The following TMEM123 variants were observed in gnomAD, a reference collection of about 807,000 sequenced individuals.
The protein encoded by TMEM123 is transmembrane protein 123.
In TMEM123, 16 loss-of-function variants were observed where a neutral mutation model predicts 19.7. The observed-to-expected ratio is 0.81, with a 90% CI of 0.55 to 1.23. The LOEUF (loss-of-function observed/expected upper bound fraction) is 1.23. Ranked by LOEUF, TMEM123 falls within the 50% of genes most tolerant of loss-of-function variation. The pLI, the probability that TMEM123 is intolerant of heterozygous loss-of-function variation, is 0.00. For missense variants in TMEM123, 313 were observed against 257.8 expected, an observed-to-expected ratio of 1.21 and a Z score of -1.47; for synonymous variants, 118 against 99.4, an observed-to-expected ratio of 1.19 and a Z score of -1.12.
At chr11:102,402,868 A>G (rs1951925174) in intron 2 of TMEM123, among the ~76,000 whole-genome samples, 1 of 152,240 alleles carries the variant, frequency 6.6e-6, no homozygotes, top group Admixed American at 6.5e-5. Flanking sequence ...CCAAAAGCCA[A>G]TTTTGTATGA....
chr11:102,419,161 TAAAAG>T (rs1365634662), intron 2 of TMEM123, among the ~76,000 whole-genome samples: 2 of 152,162 alleles, frequency 1.3e-5, no homozygotes, highest in Admixed American at 6.5e-5. Context: ...GAGCCTAAAA[TAAAAG>T]AAAAACAAAA....
At chr11:102,401,742 TAACA>T in intron 3 of TMEM123, 50 bp from the exon 4 acceptor site, 1 of 1,477,248 alleles carries the variant, frequency 6.8e-7, no homozygotes, top group Non-Finnish European at 9.1e-7. Context: ...TTTTTTTTTT[TAACA>T]TTGTAATTAA....
chr11:102,446,147 T>C (rs535316798), intron 2 of TMEM123, among the ~76,000 whole-genome samples: 2 of 152,334 alleles, frequency 1.3e-5, no homozygotes, highest in South Asian at 4.1e-4. Context: ...ATCTAGACCA[T>C]GCCACATTTC....
At chr11:102,452,375 C>T in intron 1 of TMEM123, 149 bp downstream of exon 1, 1 of 606,164 alleles carries the variant, frequency 1.6e-6, no homozygotes. Context: ...CTCAGTTTCC[C>T]CCACCCCGCC....
intron 2 of TMEM123, among the ~76,000 whole-genome samples, chr11:102,429,945 G>A (rs1208459605): frequency 2.0e-5 from 3 of 152,214 alleles, no homozygotes; most frequent in African/African-American, 2.4e-5. Context: ...CAGCCTGTGC[G>A]ATGGGAGCAC....
intron 2 of TMEM123, among the ~76,000 whole-genome samples, chr11:102,406,713 T>C (rs1011030301): frequency 9.9e-5 from 15 of 151,396 alleles, no homozygotes; most frequent in Admixed American, 7.9e-4. Flanking sequence ...CTACCAAAAA[T>C]ATAAAAAATT....
At chr11:102,430,762 G>A (rs758651091) in intron 2 of TMEM123, among the ~76,000 whole-genome samples, 5 of 152,174 alleles carry the variant, frequency 3.3e-5, no homozygotes, top group Non-Finnish European at 4.4e-5. Flanking sequence ...TCTCTTAGCC[G>A]CATGAGACAG....
intron 2 of TMEM123, among the ~76,000 whole-genome samples, chr11:102,428,862 G>A (rs528887708): frequency 5.6e-4 from 85 of 152,296 alleles, no homozygotes; most frequent in African/African-American, 2.0e-3. Context: ...TGGCCACCAA[G>A]TCTGGCCAGG....
Position 102,436,287 on chromosome 11 carries a change from A to G in TMEM123, c.157+12525T>C, listed in dbSNP as rs1321293369. 2.0e-5 allele frequency among the ~76,000 whole-genome samples: 3 copies of G among 151,802 alleles called. No homozygotes were observed. In the South Asian group the frequency reaches 6.2e-4, roughly 32 times the overall value. On this transcript the variant is annotated intron_variant, in intron 2 of 4. Transcript: ENST00000398136. ...AAGTGATTCTCCTGCCTCAGCCTTC[A>G]GAGTAGCTGGGACTACAGGCGTGCA...
rs1258485530 is a variant in TMEM123 at position 102,398,116 on chromosome 11, A to G, written c.*751T>C. 1 of 152,848 alleles carries G rather than the reference A, an allele frequency of 6.5e-6. No homozygotes were observed. The highest frequency in any genetic ancestry group is 2.4e-5 in the African/African-American group (1 of 41,482). 9.5% of individuals were successfully genotyped at this position (152,848 alleles called of 1,614,324 possible). ...CAGGATTATTTAATACTGACAACTA[A>G]GTCTTTAAAACATTATTATGTTAAA... On this transcript the variant is annotated 3_prime_UTR_variant, in exon 5 of 5. Coordinates refer to ENST00000398136, the MANE Select transcript of TMEM123 (RefSeq NM_052932.3).
chr11:102,439,544 C>T (rs1565355521), intron 2 of TMEM123, among the ~76,000 whole-genome samples: 2 of 152,126 alleles, frequency 1.3e-5, no homozygotes, highest in African/African-American at 2.4e-5. Flanking sequence ...CCCATCTGTA[C>T]GTCACCATCA....
Position 102,397,584 on chromosome 11 carries a change from C to T in TMEM123, c.*1283G>A, listed in dbSNP as rs776491726. 2 of 152,236 alleles carry T rather than the reference C, an allele frequency of 1.3e-5. No homozygotes were observed. Among genetic ancestry groups the T allele is most frequent in the East Asian group, 3.9e-4 (2 of 5,190 alleles). The allele number at this position is 152,236 out of a possible 1,614,324, so 9.4% of individuals were successfully genotyped here. A position where few individuals can be genotyped will look rare whatever the true frequency, so the allele number is the denominator to read the frequency against. On this transcript the variant is annotated 3_prime_UTR_variant, in exon 5 of 5. Transcript: ENST00000398136. ...ACATAATGCATCTGAGAGTACTTCTCCTTCAGCATGGAGTAAGAGGAGGGA... is the reference window on the plus strand; with the variant it reads ...ACATAATGCATCTGAGAGTACTTCTTCTTCAGCATGGAGTAAGAGGAGGGA...
chr11:102,442,556 A>G (rs1044871364), intron 2 of TMEM123, among the ~76,000 whole-genome samples: 2 of 152,224 alleles, frequency 1.3e-5, no homozygotes, highest in Admixed American at 6.5e-5. Flanking sequence ...CAAAATAATA[A>G]GAGCTATTTA....
intron 2 of TMEM123, among the ~76,000 whole-genome samples, chr11:102,412,165 C>T (rs772983726): frequency 2.6e-5 from 4 of 152,226 alleles, no homozygotes; most frequent in Admixed American, 6.5e-5. Flanking sequence ...CACGGTGGCT[C>T]ATGCCTGTAA....
chr11:102,437,708 T>C lies in TMEM123; in HGVS notation c.157+11104A>G, dbSNP rs142713623. Among the ~76,000 whole-genome samples the C allele has an allele frequency of 8.5e-5, 13 of 152,294 alleles. No individual in the cohort carries two copies. In the East Asian group the frequency reaches 1.2e-3, roughly 14 times the overall value. On this transcript the variant is annotated intron_variant, in intron 2 of 4. Coordinates refer to ENST00000398136, the MANE Select transcript of TMEM123 (RefSeq NM_052932.3). ...AGTGCACAGTGGTTTAGAATCACTA[T>C]AGAATTTAAAAAGACCCAGAGACAT...
chr11:102,402,499 C>T (rs1313776295), intron 2 of TMEM123, among the ~76,000 whole-genome samples: 2 of 151,334 alleles, frequency 1.3e-5, no homozygotes, highest in African/African-American at 4.9e-5. Context: ...AGGGACATGT[C>T]TTAATCATCT....
At chr11:102,407,981 T>C (rs903887555) in intron 2 of TMEM123, among the ~76,000 whole-genome samples, 1 of 152,242 alleles carries the variant, frequency 6.6e-6, no homozygotes, top group African/African-American at 2.4e-5. Context: ...AGTGATTCTA[T>C]TGAGCTGGTT....
intron 2 of TMEM123, among the ~76,000 whole-genome samples, chr11:102,403,988 G>C (rs1162692651): frequency 6.6e-5 from 10 of 152,138 alleles, no homozygotes; most frequent in Non-Finnish European, 1.3e-4. Context: ...GCAGAACCTT[G>C]AGCTAAATAA....
intron 2 of TMEM123, among the ~76,000 whole-genome samples, chr11:102,416,142 C>T (rs572484229): frequency 2.6e-5 from 4 of 152,116 alleles, no homozygotes; most frequent in Non-Finnish European, 4.4e-5. Context: ...GTCAAACTCC[C>T]GACCTCAGGT....
Sources: gnomAD v4.1 joint callset for allele counts (sites outside exome capture counted in the v4.1 genomes callset) on GRCh38, gnomAD v4.1.1 for gene constraint, MANE v1.5 for transcripts, NCBI Gene and HGNC (gene_info 2026-07-23, HGNC 2026-07-21) for gene names.